The following SPOCK1 variants were observed in gnomAD, a reference collection of about 807,000 sequenced individuals.
SPOCK1 encodes the protein SPARC (osteonectin), cwcv and kazal like domains proteoglycan 1, also known as testican-1.
A neutral mutation model predicts 55.3 loss-of-function variants in SPOCK1; 23 were observed. The observed-to-expected ratio is 0.42, with a 90% CI of 0.30 to 0.59. SPOCK1 has a LOEUF of 0.59. SPOCK1 is among the 20% of genes least tolerant of loss of function. The pLI, the probability that SPOCK1 is intolerant of heterozygous loss-of-function variation, is 0.22. For synonymous variants in SPOCK1, 226 were observed against 221.0 expected (o/e 1.02, Z -0.20); for missense variants, 499 against 552.5 (o/e 0.90, Z 0.97).
At chr5:136,991,836 C>A (rs1022224431) in intron 7 of SPOCK1, among the ~76,000 whole-genome samples, 1 of 152,216 alleles carries the variant, frequency 6.6e-6, no homozygotes, top group Non-Finnish European at 1.5e-5. Context: ...TATGACAAAA[C>A]TGAGTATGGT....
intron 2 of SPOCK1, among the ~76,000 whole-genome samples, chr5:137,380,924 C>T (rs1172018893): frequency 6.6e-6 from 1 of 152,146 alleles, no homozygotes; most frequent in African/African-American, 2.4e-5. Context: ...AAACAGTCCC[C>T]CAGTCTTAAC....
chr5:137,449,912 A>AAAAAG (rs1561538926), intron 2 of SPOCK1, among the ~76,000 whole-genome samples: 7 of 142,010 alleles, frequency 4.9e-5, no homozygotes, highest in Non-Finnish European at 9.2e-5. Context: ...AAAAAAAAAA[A>AAAAAG]AAAAAGAAAG....
In SPOCK1 at chr5:137,012,028, G is replaced by GA. The variant is rs546015499; in HGVS notation, c.590-19429dup. On this transcript the variant is annotated intron_variant, in intron 6 of 10. Coordinates refer to ENST00000394945, the MANE Select transcript of SPOCK1 (RefSeq NM_004598.4). ...ATTTCTTTTTTCATTTAATCCTGGA[G>GA]AAAATCCACTGAAATTATTATTTCA... 5.1e-3 allele frequency among the ~76,000 whole-genome samples: 773 copies of GA among 152,250 alleles called. 6 individuals carry two copies. The highest frequency in any genetic ancestry group is 0.011 in the Admixed American group (161 of 15,294).
At chr5:137,384,321 C>T (rs1751551183) in intron 2 of SPOCK1, among the ~76,000 whole-genome samples, 1 of 152,148 alleles carries the variant, frequency 6.6e-6, no homozygotes, top group Non-Finnish European at 1.5e-5. Flanking sequence ...TCAGGTTCCA[C>T]CATATCTGGA....
chr5:137,077,667 G>C (rs1189456201), intron 5 of SPOCK1, among the ~76,000 whole-genome samples: 1 of 152,228 alleles, frequency 6.6e-6, no homozygotes, highest in East Asian at 1.9e-4. Context: ...AAGGCCTGCA[G>C]CTATTCCTAG....
intron 3 of SPOCK1, among the ~76,000 whole-genome samples, chr5:137,160,009 G>T (rs1022515780): frequency 6.6e-6 from 1 of 151,958 alleles, no homozygotes; most frequent in South Asian, 2.1e-4. Flanking sequence ...GTGGTGTATG[G>T]TAACATGAGT....
chr5:137,487,416 A>G (rs1015588251), intron 2 of SPOCK1, among the ~76,000 whole-genome samples: 12 of 151,760 alleles, frequency 7.9e-5, no homozygotes, highest in Non-Finnish European at 1.5e-4. Flanking sequence ...TAATGTCACC[A>G]TCTAGCCCCT....
At chr5:137,099,833 A>C (rs564868324) in intron 5 of SPOCK1, among the ~76,000 whole-genome samples, 1 of 152,282 alleles carries the variant, frequency 6.6e-6, no homozygotes, top group East Asian at 1.9e-4. Context: ...GTTTTGGGGC[A>C]ACAGCTGCAT....
At chr5:137,024,323 G>GGC (rs386405064) in intron 6 of SPOCK1, among the ~76,000 whole-genome samples, 2 of 143,286 alleles carry the variant, frequency 1.4e-5, no homozygotes, top group African/African-American at 5.2e-5. Flanking sequence ...AAGGGGGGGG[G>GGC]GTAGTTACAA....
rs115279105 is a variant in SPOCK1 at position 137,033,905 on chromosome 5, G to T, written c.589+33810C>A. Among the ~76,000 whole-genome samples, 649 of 152,144 alleles carry T rather than the reference G, an allele frequency of 4.3e-3. 7 individuals carry two copies. Among genetic ancestry groups the T allele is most frequent in the African/African-American group, 0.015 (624 of 41,498 alleles). On this transcript the variant is annotated intron_variant, in intron 6 of 10. Coordinates refer to ENST00000394945, the MANE Select transcript of SPOCK1 (RefSeq NM_004598.4). The stretch of plus-strand genomic sequence containing the variant: ...GGCATGAGCCACTGCTCCCCACCAG[G>T]GCTACTCCTAACACACTTAGCATAT...
At chr5:137,202,915 A>G (rs952893865) in intron 3 of SPOCK1, among the ~76,000 whole-genome samples, 1 of 152,244 alleles carries the variant, frequency 6.6e-6, no homozygotes, top group African/African-American at 2.4e-5. Context: ...TACTTTAAGA[A>G]CATCATACAT....
chr5:137,033,958 A>G (rs1751831726), intron 6 of SPOCK1, among the ~76,000 whole-genome samples: 1 of 152,224 alleles, frequency 6.6e-6, no homozygotes, highest in Non-Finnish European at 1.5e-5. Context: ...GTTTTATAAT[A>G]GTATCATCAC....
chr5:137,072,200 GA>G (rs1752633274), intron 5 of SPOCK1, among the ~76,000 whole-genome samples: 1 of 152,110 alleles, frequency 6.6e-6, no homozygotes, highest in African/African-American at 2.4e-5. Context: ...CAGAAAAGAG[GA>G]AATATTAAAA....
intron 2 of SPOCK1, among the ~76,000 whole-genome samples, chr5:137,486,262 A>T (rs1444948579): frequency 6.6e-6 from 1 of 152,170 alleles, no homozygotes; most frequent in Admixed American, 6.5e-5. Context: ...GTATGCCAGG[A>T]AGAGTTGAGG....
intron 3 of SPOCK1, among the ~76,000 whole-genome samples, chr5:137,176,221 C>T (rs571137738): frequency 1.3e-5 from 2 of 152,292 alleles, no homozygotes; most frequent in African/African-American, 4.8e-5. Context: ...GTAAGAAAGA[C>T]CGTGTTCCTT....
intron 6 of SPOCK1, among the ~76,000 whole-genome samples, chr5:137,018,638 C>T (rs1418398572): frequency 6.6e-6 from 1 of 152,142 alleles, no homozygotes; most frequent in African/African-American, 2.4e-5. Context: ...AATGCTCTGC[C>T]CCTCTCCTTC....
chr5:137,194,554 C>T (rs1348721034), intron 3 of SPOCK1, among the ~76,000 whole-genome samples: 1 of 152,116 alleles, frequency 6.6e-6, no homozygotes, highest in African/African-American at 2.4e-5. Context: ...CCCTGTGCCA[C>T]GCTATGCTGG....
intron 2 of SPOCK1, among the ~76,000 whole-genome samples, chr5:137,430,841 T>C (rs965007656): frequency 6.6e-6 from 1 of 152,206 alleles, no homozygotes; most frequent in African/African-American, 2.4e-5. Context: ...CCTTGCTGCC[T>C]TTCACTGCAG....
At chr5:137,376,878 G>A (rs1751330874) in intron 2 of SPOCK1, among the ~76,000 whole-genome samples, 2 of 152,142 alleles carry the variant, frequency 1.3e-5, no homozygotes, top group African/African-American at 4.8e-5. Flanking sequence ...GGTGACTTGT[G>A]CCTTCTTTTT....
Sources: allele counts gnomAD v4.1 joint callset (sites outside exome capture counted in the v4.1 genomes callset), GRCh38; gene constraint gnomAD v4.1.1; transcripts MANE v1.5; gene names NCBI Gene and HGNC (gene_info 2026-07-23, HGNC 2026-07-21).